Variants in SMPD1 observed in about 807,000 individuals in gnomAD.
SMPD1 encodes the protein sphingomyelin phosphodiesterase 1.
A neutral mutation model predicts 49.7 loss-of-function variants in SMPD1; 47 were observed. That is an observed-to-expected ratio of 0.95 (90% CI 0.75 to 1.21). The LOEUF is 1.21. Ranked by LOEUF, SMPD1 falls within the 50% of genes most tolerant of loss-of-function variation. SMPD1 has a pLI of 0.00. For missense variants in SMPD1, 811 were observed against 822.2 expected, an observed-to-expected ratio of 0.99 and a Z score of 0.17; for synonymous variants, 336 against 339.6, an observed-to-expected ratio of 0.99 and a Z score of 0.12.
chr11:6,392,485 C>CTTTTTTT (rs1484033993), intron 2 of SMPD1, among the ~76,000 whole-genome samples: 1 of 102,474 alleles, frequency 9.8e-6, no homozygotes, highest in Non-Finnish European at 2.0e-5. Context: ...CCTGGCCCTC[C>CTTTTTTT]CTTTTTTTTT....
chr11:6,392,729 A>G (rs1847990146), intron 2 of SMPD1, among the ~76,000 whole-genome samples: 2 of 149,332 alleles, frequency 1.3e-5, no homozygotes, highest in Admixed American at 1.3e-4. Context: ...TCCTGACCTC[A>G]TGATCTGCCC....
intron 1 of SMPD1, 51 bp downstream of exon 1, chr11:6,390,967 T>TGGGGGC: frequency 1.2e-6 from 2 of 1,604,082 alleles, no homozygotes; most frequent in South Asian, 1.1e-5. Flanking sequence ...GTGCTGGGGC[T>TGGGGGC]GGGGGCTGGG....
chr11:6,394,061 G>A lies in SMPD1; in HGVS notation c.1486+20G>A. Reference sequence around the variant, plus strand: ...ATCCTGGTGAGTGAGGCAGAAGGGAGCCTCCCTTATCCTGGAGTTGGTGGG... The same window carrying A: ...ATCCTGGTGAGTGAGGCAGAAGGGAACCTCCCTTATCCTGGAGTTGGTGGG... On this transcript the variant is annotated intron_variant, in intron 5 of 5. Transcript: ENST00000342245. 1 of 1,614,180 alleles carries A rather than the reference G, an allele frequency of 6.2e-7. No individual in the cohort carries two copies. The highest frequency in any genetic ancestry group is 1.1e-5 in the South Asian group (1 of 91,078).
chr11:6,390,950 G>A (rs1172498281), intron 1 of SMPD1, 34 bp downstream of exon 1: 1 of 1,611,696 alleles, frequency 6.2e-7, no homozygotes, highest in Non-Finnish European at 8.5e-7. Flanking sequence ...GGAGGAGGCC[G>A]AAAGGAGTGC....
chr11:6,394,133 T>A, intron 5 of SMPD1, 65 bp from the exon 6 acceptor site: 3 of 1,613,142 alleles, frequency 1.9e-6, no homozygotes, highest in Non-Finnish European at 2.5e-6. Flanking sequence ...ATGGGCAGGA[T>A]GTGTGGCCCC....
rs1271093901 is a variant in SMPD1 at position 6,394,845 on chromosome 11, C to T, written c.*238C>T. The T allele has an allele frequency of 1.7e-6, 1 of 583,534 alleles. No homozygotes were observed. The highest frequency in any genetic ancestry group is 3.0e-5 in the Admixed American group (1 of 33,412). The allele number at this position is 583,534 out of a possible 1,614,324, so 36.1% of individuals were successfully genotyped here. A position where few individuals can be genotyped will look rare whatever the true frequency, so the allele number is the denominator to read the frequency against. ...CCTTGAGGCTGCTGTCCTTTCACAG[C>T]CATGGAGTAGAGGCCTAAGTTGACA... On this transcript the variant is annotated 3_prime_UTR_variant, in exon 6 of 6. Coordinates refer to ENST00000342245, the MANE Select transcript of SMPD1 (RefSeq NM_000543.5).
chr11:6,393,611 T>C lies in SMPD1; in HGVS notation c.1264-6T>C. ...CCTGATTACCATCCTTAATTCTCCC[T>C]ACTAGGTGCATATAATTGGCCACAT... On this transcript the variant is annotated splice_polypyrimidine_tract_variant and splice_region_variant and intron_variant, in intron 3 of 5. Transcript: ENST00000342245. The C allele has an allele frequency of 1.2e-6, 2 of 1,610,030 alleles. No homozygotes were observed.
In SMPD1 at chr11:6,391,852, T is replaced by A; in HGVS notation, c.787T>A (p.Leu263Met). The A allele has an allele frequency of 1.2e-6, 2 of 1,613,870 alleles. No homozygotes were observed. The highest frequency in any genetic ancestry group is 1.7e-6 in the Non-Finnish European group (2 of 1,179,908). The stretch of plus-strand genomic sequence containing the variant: ...GCCCCTGAGGACCCTGGAGAGCCTG[T>A]TGAGTGGGCTGGGCCCAGCCGGCCC... ...DLPLRTLESLLSGLGPAGPFD... is the reference protein window; with the variant it reads ...DLPLRTLESLMSGLGPAGPFD... The change falls in exon 2 of 6, where the codon TTG becomes ATG. Residue 263 changes from leucine (L) to methionine (M), a missense_variant. Coordinates refer to ENST00000342245, the MANE Select transcript of SMPD1 (RefSeq NM_000543.5).
intron 3 of SMPD1, 43 bp downstream of exon 3, chr11:6,393,430 C>G (rs768034267): frequency 6.3e-7 from 1 of 1,589,430 alleles, no homozygotes; most frequent in Admixed American, 1.7e-5. Context: ...GGGGGACAAG[C>G]AGGCTCCTGT....
rs727504165 is a variant in SMPD1 at position 6,391,417 on chromosome 11, GC to G, written c.354del (p.Ile119SerfsTer7). 21 of 1,613,134 alleles carry G rather than the reference GC, an allele frequency of 1.3e-5. No homozygotes were observed. The highest frequency in any genetic ancestry group is 1.8e-5 in the Non-Finnish European group (21 of 1,180,006). On this transcript the variant is annotated frameshift_variant, in exon 2 of 6. Coordinates refer to ENST00000342245, the MANE Select transcript of SMPD1 (RefSeq NM_000543.5). LOFTEE classifies it high-confidence loss of function. Reference protein sequence around the residue: ...EPNVARVGSVAIKLCNLLKIA... With the variant: ...EPNVARVGSVXIKLCNLLKIA... ...CAATGTGGCTCGCGTGGGCTCCGTG[GC>G]CATCAAGCTGTGCAATCTGCTGAAG...
chr11:6,393,832 C>G, intron 4 of SMPD1, 64 bp from the exon 5 acceptor site: 1 of 1,600,702 alleles, frequency 6.2e-7, no homozygotes, highest in Non-Finnish European at 8.6e-7. Flanking sequence ...AGAGGGCATC[C>G]TATCTCCCCA....
chr11:6,393,215 G>C lies in SMPD1; in HGVS notation c.1092-1G>C, dbSNP rs398123474. 5.0e-6 allele frequency: 8 copies of C among 1,613,656 alleles called. No homozygotes were observed. Among genetic ancestry groups the C allele is most frequent in the Non-Finnish European group, 3.4e-6 (4 of 1,179,662 alleles). Reference sequence around the variant, plus strand: ...GACCTCTCATGTTTACTTTGTTTCAGAATTGGGGGGTTCTATGCTCTTTCC... The same window carrying C: ...GACCTCTCATGTTTACTTTGTTTCACAATTGGGGGGTTCTATGCTCTTTCC... On this transcript the variant is annotated splice_acceptor_variant, in intron 2 of 5. Transcript: ENST00000342245. LOFTEE classifies it high-confidence loss of function.
rs148370501 is a variant in SMPD1 at position 6,391,367 on chromosome 11, C to G, written c.319-17C>G. 1.9e-6 allele frequency: 3 copies of G among 1,611,506 alleles called. No individual in the cohort carries two copies. Among genetic ancestry groups the G allele is most frequent in the Non-Finnish European group, 2.5e-6 (3 of 1,179,344 alleles). On this transcript the variant is annotated splice_polypyrimidine_tract_variant and intron_variant, in intron 1 of 5. Coordinates refer to ENST00000342245, the MANE Select transcript of SMPD1 (RefSeq NM_000543.5). Reference sequence around the variant, plus strand: ...GCTCTGCCTCTGATTTCTCACCATGCGCTCCTCCCACTGCAGAAGGAACCC... The same window carrying G: ...GCTCTGCCTCTGATTTCTCACCATGGGCTCCTCCCACTGCAGAAGGAACCC...
At position 6,390,526 on chromosome 11, in the gene SMPD1, C is replaced by T. The variant is rs1564921170; in HGVS notation, c.-73C>T. 1.9e-6 allele frequency: 3 copies of T among 1,567,012 alleles called. No individual in the cohort carries two copies. Among genetic ancestry groups the T allele is most frequent in the Admixed American group, 3.8e-5 (2 of 52,414 alleles). ...CGGGTGTCCCCGGCGCCGCCCGGGG[C>T]CCTGAGGGCTGGCTAGGGTCCAGGC... On this transcript the variant is annotated 5_prime_UTR_variant, in exon 1 of 6. Transcript: ENST00000342245.
chr11:6,392,791 C>T (rs939099761), intron 2 of SMPD1, among the ~76,000 whole-genome samples: 13 of 152,042 alleles, frequency 8.6e-5, no homozygotes, highest in Non-Finnish European at 1.8e-4. Context: ...CTGCACCCAG[C>T]TTTCCAGCCC....
At position 6,394,423 on chromosome 11, in the gene SMPD1, C is replaced by A. The variant is rs758576984; in HGVS notation, c.1712C>A (p.Thr571Asn). ...CGGGGCGACATGCAACTTTTCCAGA[C>A]CTTCTGGTTTCTCTACCATAAGGGC... ...RMRGDMQLFQ[T>N]FWFLYHKGHP... The change falls in exon 6 of 6, where the codon ACC becomes AAC. Residue 571 changes from threonine (T) to asparagine (N), a missense_variant. Transcript: ENST00000342245. 15 of 1,614,122 alleles carry A rather than the reference C, an allele frequency of 9.3e-6. No individual in the cohort carries two copies. The African/African-American group carries it at 1.2e-4, about 13-fold the overall frequency.
chr11:6,391,859 G>A lies in SMPD1; in HGVS notation c.794G>A (p.Gly265Glu), dbSNP rs745616876. ...PLRTLESLLS[G>E]LGPAGPFDMV... ...AGGACCCTGGAGAGCCTGTTGAGTG[G>A]GCTGGGCCCAGCCGGCCCTTTTGAT... The change falls in exon 2 of 6, where the codon GGG (glycine) becomes GAG (glutamate). Residue 265 changes from glycine to glutamate, a missense_variant. Transcript: ENST00000342245. The A allele has an allele frequency of 6.2e-7, 1 of 1,613,928 alleles. No individual in the cohort carries two copies. Among genetic ancestry groups the A allele is most frequent in the Non-Finnish European group, 8.5e-7 (1 of 1,179,922 alleles).
In SMPD1 at chr11:6,394,163, TC is replaced by T. The variant is rs777932103; in HGVS notation, c.1487-33del. On this transcript the variant is annotated intron_variant, in intron 5 of 5. Coordinates refer to ENST00000342245, the MANE Select transcript of SMPD1 (RefSeq NM_000543.5). ...GGCCCCTCCCTGGAGTTACCCTTGC[TC>T]CTTGCCCCTCCAGTCAGCCCCACAT... 8.1e-5 allele frequency: 130 copies of T among 1,614,076 alleles called. 1 individual carries two copies. In the East Asian group the frequency reaches 2.8e-3, roughly 35 times the overall value.
chr11:6,394,129 A>G, intron 5 of SMPD1, 69 bp from the exon 6 acceptor site: 1 of 1,613,438 alleles, frequency 6.2e-7, no homozygotes. Flanking sequence ...AAGCATGGGC[A>G]GGATGTGTGG....
Sources: gnomAD v4.1 joint callset for allele counts (sites outside exome capture counted in the v4.1 genomes callset) on GRCh38, gnomAD v4.1.1 for gene constraint, MANE v1.5 for transcripts, NCBI Gene and HGNC (gene_info 2026-07-23, HGNC 2026-07-21) for gene names.